Variants in SON observed in about 807,000 individuals in gnomAD.
SON encodes SON DNA and RNA binding protein, also known as protein SON.
In SON, 4 loss-of-function variants were observed where a neutral mutation model predicts 173.3. The observed-to-expected ratio is 0.02, with a 90% CI of 0.01 to 0.05. The LOEUF (loss-of-function observed/expected upper bound fraction) is 0.05. Ranked by LOEUF, SON falls within the 10% of genes least tolerant of loss-of-function variation. The pLI is 1.00. For synonymous variants in SON, 1,190 were observed against 1,105.9 expected (o/e 1.08, Z -1.51); for missense variants, 2,626 against 3,055.3 (o/e 0.86, Z 3.31).
intron 1 of SON, among the ~76,000 whole-genome samples, chr21:33,545,674 C>T (rs1277442059): frequency 6.6e-6 from 1 of 152,060 alleles, no homozygotes. Context: ...AATTATTTTC[C>T]TTTTTAAGTT....
intron 7 of SON, chr21:33,567,562 A>G: frequency 2.9e-6 from 1 of 341,442 alleles, no homozygotes; most frequent in Non-Finnish European, 5.6e-6. Flanking sequence ...CTAAGTGCCT[A>G]CAACCCTATG....
At chr21:33,556,825 G>C (rs571134281) in intron 3 of SON, among the ~76,000 whole-genome samples, 3 of 151,922 alleles carry the variant, frequency 2.0e-5, no homozygotes, top group African/African-American at 7.2e-5. Flanking sequence ...GCTTTGGCAG[G>C]TTTATATCTT....
At chr21:33,569,860 A>G (rs1450329262) in intron 8 of SON, 1 of 195,976 alleles carries the variant, frequency 5.1e-6, no homozygotes, top group African/African-American at 2.4e-5. Context: ...GAGAACCACT[A>G]ATTTCATGAC....
chr21:33,576,897 C>CATA lies in SON; in HGVS notation c.*473_*474insATA. Reference sequence around the variant, plus strand: ...TTTGTACTATGATGTAACTCCCCTTCCTTATGGCTAGGCTACTGTAACACT... The same window carrying CATA: ...TTTGTACTATGATGTAACTCCCCTTCATACTTATGGCTAGGCTACTGTAACACT... On this transcript the variant is annotated 3_prime_UTR_variant, in exon 12 of 12. Transcript: ENST00000356577. The CATA allele has an allele frequency of 3.8e-6, 1 of 262,250 alleles. No individual in the cohort carries two copies. The highest frequency in any genetic ancestry group is 7.7e-6 in the Non-Finnish European group (1 of 129,594). The allele number at this position is 262,250 out of a possible 1,614,324, so 16.2% of individuals were successfully genotyped here. A position where few individuals can be genotyped will look rare whatever the true frequency, so the allele number is the denominator to read the frequency against.
At chr21:33,543,341 C>A (rs2085509539) in intron 1 of SON, 172 bp downstream of exon 1, 1 of 633,782 alleles carries the variant, frequency 1.6e-6, no homozygotes. Context: ...CCCAGCCGCT[C>A]CCTTCCTTTT....
Position 33,546,204 on chromosome 21 carries a change from C to A in SON, c.78-9C>A, listed in dbSNP as rs201007642. 4.1e-5 allele frequency: 65 copies of A among 1,583,708 alleles called. No individual in the cohort carries two copies. The highest frequency in any genetic ancestry group is 5.5e-5 in the Non-Finnish European group (64 of 1,170,026). Reference sequence around the variant, plus strand: ...ATATTAATGAATTTCGATAACTTTTCATGTCAAGTGGAAGGAATGAAGGCC... The same window carrying A: ...ATATTAATGAATTTCGATAACTTTTAATGTCAAGTGGAAGGAATGAAGGCC... On this transcript the variant is annotated splice_polypyrimidine_tract_variant and intron_variant, in intron 1 of 11. Transcript: ENST00000356577.
At chr21:33,573,876 T>C (rs1027714846) in intron 9 of SON, among the ~76,000 whole-genome samples, 5 of 151,940 alleles carry the variant, frequency 3.3e-5, no homozygotes, top group African/African-American at 1.2e-4. Flanking sequence ...AATACTGGTT[T>C]AGTCTAGATT....
In SON at chr21:33,552,626, A is replaced by G. The variant is rs1426834642; in HGVS notation, c.3395A>G (p.Tyr1132Cys). 1.2e-6 allele frequency: 2 copies of G among 1,613,952 alleles called. No homozygotes were observed. The stretch of plus-strand genomic sequence containing the variant: ...ATGATGTCTATGGCTGCTGATTCTT[A>G]CACCGATTCTTACACTGACACATAT... ...RSMMSMAADS[Y>C]TDSYTDTYTE... The change falls in exon 3 of 12, where the codon TAC becomes TGC. Residue 1132 changes from tyrosine to cysteine, a missense_variant. Physicochemically the swap from Tyr to Cys is radical, Grantham distance 194. This residue lies in a region of SON where 366 missense variants were observed against 448.6 expected (regional missense o/e 0.82). Coordinates refer to ENST00000356577, the MANE Select transcript of SON (RefSeq NM_138927.4). The surrounding 1 kb of genome is among the most constrained non-coding windows in gnomAD (Gnocchi z 5.6).
At position 33,554,147 on chromosome 21, in the gene SON, A is replaced by T. The variant is rs1444986607; in HGVS notation, c.4916A>T (p.His1639Leu). 6.2e-7 allele frequency: 1 copy of T among 1,614,176 alleles called. No homozygotes were observed. The highest frequency in any genetic ancestry group is 8.5e-7 in the Non-Finnish European group (1 of 1,180,014). ...TCTTTAACTACTCAAGATACTGAAC[A>T]TGACATGGTAATTTCCACCAGTCCT... ...DLSLTTQDTE[H>L]DMVISTSPSG... is the part of the protein sequence containing the mutation. The change falls in exon 3 of 12, where the codon CAT becomes CTT. Residue 1639 changes from histidine (H) to leucine (L), a missense_variant. Transcript: ENST00000356577.
In SON at chr21:33,546,294, C is replaced by T; in HGVS notation, c.159C>T (p.Ala53=). The change falls in exon 2 of 12, where the codon GCC becomes GCT. Residue 53 remains alanine (A), a synonymous_variant. Transcript: ENST00000356577. ...GNQAGDAAAS[A]RSLPNEEIVQ... ...AGGCGGGTGATGCAGCTGCCTCTGC[C>T]AGGAGTCTACCAAATGAAGAAATAG... 6.2e-7 allele frequency: 1 copy of T among 1,613,518 alleles called. No individual in the cohort carries two copies. The highest frequency in any genetic ancestry group is 1.3e-5 in the African/African-American group (1 of 74,996).
chr21:33,550,693 G>A lies in SON; in HGVS notation c.1462G>A (p.Ala488Thr). 2 of 1,614,110 alleles carry A rather than the reference G, an allele frequency of 1.2e-6. No homozygotes were observed. The highest frequency in any genetic ancestry group is 2.2e-5 in the South Asian group (2 of 91,080). ...ELPGLPLVTA[A>T]VELPEQPAVT... Reference sequence around the variant, plus strand: ...GCCAGGGCTGCCTTTGGTGACAGCAGCAGTAGAGTTGCCAGAGCAGCCTGC... The same window carrying A: ...GCCAGGGCTGCCTTTGGTGACAGCAACAGTAGAGTTGCCAGAGCAGCCTGC... Residue 488 changes from alanine (A) to threonine (T), a missense_variant, in exon 3 of 12, where the codon GCA (alanine) becomes ACA (threonine). Coordinates refer to ENST00000356577, the MANE Select transcript of SON (RefSeq NM_138927.4).
chr21:33,554,363 C>T lies in SON; in HGVS notation c.5132C>T (p.Pro1711Leu), dbSNP rs1224767970. 3 of 1,614,148 alleles carry T rather than the reference C, an allele frequency of 1.9e-6. No individual in the cohort carries two copies. The highest frequency in any genetic ancestry group is 1.1e-5 in the South Asian group (1 of 91,084). The change falls in exon 3 of 12, where the codon CCT (proline) becomes CTT (leucine). Residue 1711 changes from proline to leucine, a missense_variant. Transcript: ENST00000356577. ...GGAGGAGAAAAAGAAGTACCTCCCC[C>T]TCCTAAAGAGACACTGCCTGATTCA... is the stretch of plus-strand genomic sequence containing the variant. ...SSGGEKEVPP[P>L]PKETLPDSGF... is the part of the protein sequence containing the mutation.
chr21:33,569,146 T>C, intron 8 of SON, 59 bp downstream of exon 8: 1 of 1,022,118 alleles, frequency 9.8e-7, no homozygotes, highest in South Asian at 1.4e-5. Context: ...TTTTGGAAAC[T>C]GTTTATTAAA....
In SON at chr21:33,550,317, G is replaced by A. The variant is rs143771064; in HGVS notation, c.1086G>A (p.Pro362=). ...DSSMTRPQEL[P]ELPKTTALEL... is the part of the protein sequence containing the mutation. The stretch of plus-strand genomic sequence containing the variant: ...CCATGACAAGACCGCAGGAGTTGCC[G>A]GAGCTGCCTAAGACCACAGCGTTGG... The change falls in exon 3 of 12, where the codon CCG becomes CCA. Residue 362 remains proline (P), a synonymous_variant. Coordinates refer to ENST00000356577, the MANE Select transcript of SON (RefSeq NM_138927.4). 66 of 1,613,982 alleles carry A rather than the reference G, an allele frequency of 4.1e-5. No homozygotes were observed. Among genetic ancestry groups the A allele is most frequent in the East Asian group, 2.7e-4 (12 of 44,872 alleles).
intron 1 of SON, among the ~76,000 whole-genome samples, chr21:33,544,869 T>G (rs1361033895): frequency 1.3e-5 from 2 of 152,186 alleles, no homozygotes; most frequent in African/African-American, 4.8e-5. Context: ...AATTGTAAAA[T>G]AAAGTGCTAC....
chr21:33,557,863 C>T (rs558564936), intron 4 of SON: 167 of 415,780 alleles, frequency 4.0e-4, no homozygotes, highest in South Asian at 2.4e-3. Flanking sequence ...TCCTGCGGTT[C>T]GGGTTTTGGC....
chr21:33,548,358 C>T (rs1157624700), intron 2 of SON, among the ~76,000 whole-genome samples: 1 of 152,000 alleles, frequency 6.6e-6, no homozygotes, highest in Non-Finnish European at 1.5e-5. Flanking sequence ...AATTTCCTCT[C>T]TAAAATCAGT....
In SON at chr21:33,554,912, C is replaced by T. The variant is rs2085926074; in HGVS notation, c.5681C>T (p.Ser1894Phe). 6.2e-7 allele frequency: 1 copy of T among 1,614,126 alleles called. No homozygotes were observed. The highest frequency in any genetic ancestry group is 1.1e-5 in the South Asian group (1 of 91,084). Residue 1894 changes from serine (S) to phenylalanine (F), a missense_variant, in exon 3 of 12, where the codon TCT (serine) becomes TTT (phenylalanine). Transcript: ENST00000356577. The part of the protein sequence containing the change: ...RSVSKEKRKR[S>F]PKHRSKSRER... ...GTATCAAAAGAGAAGCGCAAAAGAT[C>T]TCCAAAGCACAGATCCAAGTCTAGG...
chr21:33,575,901 T>G lies in SON; in HGVS notation c.7221+8T>G. The G allele has an allele frequency of 7.5e-7, 1 of 1,335,782 alleles. No homozygotes were observed. Among genetic ancestry groups the G allele is most frequent in the Non-Finnish European group, 1.1e-6 (1 of 938,196 alleles). 82.7% of individuals were successfully genotyped at this position (1,335,782 alleles called of 1,614,324 possible). ...AAACATTTTCTCTTTAGGGTAAATATGAATTTCTGCATTAATTATATATAT... is the reference window on the plus strand; with the variant it reads ...AAACATTTTCTCTTTAGGGTAAATAGGAATTTCTGCATTAATTATATATAT... On this transcript the variant is annotated splice_region_variant and intron_variant, in intron 11 of 11. Coordinates refer to ENST00000356577, the MANE Select transcript of SON (RefSeq NM_138927.4).
Sources: allele counts gnomAD v4.1 joint callset (sites outside exome capture counted in the v4.1 genomes callset), GRCh38; gene constraint gnomAD v4.1.1; regional missense constraint gnomAD v4.1.1; non-coding constraint Gnocchi (gnomAD v3.1); transcripts MANE v1.5; gene names NCBI Gene and HGNC (gene_info 2026-07-23, HGNC 2026-07-21).